Variants in ACP4 observed in about 807,000 individuals in gnomAD.
ACP4 encodes testicular acid phosphatase.
In ACP4, 49 loss-of-function variants were observed where a neutral mutation model predicts 47.3. That is an observed-to-expected ratio of 1.04 (90% CI 0.82 to 1.32). The LOEUF (loss-of-function observed/expected upper bound fraction) is 1.32. ACP4 is among the 40% of genes most tolerant of loss of function. ACP4 has a pLI of 0.00. For synonymous variants in ACP4, 299 were observed against 265.3 expected (o/e 1.13, Z -1.23); for missense variants, 594 against 579.3 (o/e 1.03, Z -0.26).
In ACP4 at chr19:50,790,710, G is replaced by A; in HGVS notation, c.216+12G>A. 1 of 1,277,018 alleles carries A rather than the reference G, an allele frequency of 7.8e-7. No individual in the cohort carries two copies. The highest frequency in any genetic ancestry group is 1.1e-6 in the Non-Finnish European group (1 of 932,544). The allele number at this position is 1,277,018 out of a possible 1,614,324, so 79.1% of individuals were successfully genotyped here. Reference sequence around the variant, plus strand: ...GCCAGCTGACCACGGTGAGAAGCGGGTAGGCGGTGAGGGCAAGGGTGGGAG... The same window carrying A: ...GCCAGCTGACCACGGTGAGAAGCGGATAGGCGGTGAGGGCAAGGGTGGGAG... On this transcript the variant is annotated intron_variant, in intron 2 of 10. Coordinates refer to ENST00000270593, the MANE Select transcript of ACP4 (RefSeq NM_033068.3).
rs927075560 is a variant in ACP4 at position 50,794,487 on chromosome 19, G to T, written c.892G>T (p.Ala298Ser). ...CAGCACCCTGCTGGCCCTCCAGGGG[G>T]CCCTGGGCCTCTATGATGGACACAC... ...HDSTLLALQG[A>S]LGLYDGHTPP... Residue 298 changes from alanine to serine, a missense_variant, in exon 9 of 11, where the codon GCC becomes TCC. Ala to Ser is a moderately conservative substitution (Grantham distance 99). Transcript: ENST00000270593. The T allele has an allele frequency of 1.2e-6, 2 of 1,613,752 alleles. No homozygotes were observed. Among genetic ancestry groups the T allele is most frequent in the Middle Eastern group, 1.7e-4 (1 of 6,056 alleles).
In ACP4 at chr19:50,794,924, G is replaced by A. The variant is rs1303818925; in HGVS notation, c.1125G>A (p.Gly375=). ...CCCCGGCCCGGCCTCCCGCCCATGG[G>A]GTCTCCTGCCATGGCCCCTATGAGG... ...LTAPARPPAH[G]VSCHGPYEAA... is the part of the protein sequence containing the mutation. The change falls in exon 10 of 11, where the codon GGG becomes GGA. Residue 375 remains glycine, a synonymous_variant. Coordinates refer to ENST00000270593, the MANE Select transcript of ACP4 (RefSeq NM_033068.3). The A allele has an allele frequency of 1.9e-6, 3 of 1,613,330 alleles. No homozygotes were observed. The highest frequency in any genetic ancestry group is 2.5e-6 in the Non-Finnish European group (3 of 1,179,880).
In ACP4 at chr19:50,790,827, G is replaced by A; in HGVS notation, c.270G>A (p.Glu90=). The change falls in exon 3 of 11, where the codon GAG becomes GAA. Residue 90 remains glutamate, a synonymous_variant. Coordinates refer to ENST00000270593, the MANE Select transcript of ACP4 (RefSeq NM_033068.3). The part of the protein sequence containing the change: ...ELGRFLRSRY[E]AFLSPEYRRE... ...GCCGCTTCCTGAGGAGCCGCTACGAGGCCTTCCTGAGTCCGGAGTACCGGC... is the reference window on the plus strand; with the variant it reads ...GCCGCTTCCTGAGGAGCCGCTACGAAGCCTTCCTGAGTCCGGAGTACCGGC... 1 of 1,548,954 alleles carries A rather than the reference G, an allele frequency of 6.5e-7. No homozygotes were observed. Among genetic ancestry groups the A allele is most frequent in the Non-Finnish European group, 8.7e-7 (1 of 1,146,800 alleles).
chr19:50,794,066 T>A, intron 8 of ACP4, 96 bp downstream of exon 8: 1 of 1,413,756 alleles, frequency 7.1e-7, no homozygotes, highest in Non-Finnish European at 9.9e-7. Context: ...CCAGTGGATC[T>A]CAGCCCACTG....
chr19:50,795,024 CCG>C lies in ACP4; in HGVS notation c.1166-16_1166-15del. ...GTTGCCAAGTCCTGGCACTCACCCC[CCG>C]CGTGTTCTCCCTGCAGCTCCAGTGG... On this transcript the variant is annotated splice_polypyrimidine_tract_variant and intron_variant, in intron 10 of 10. Coordinates refer to ENST00000270593, the MANE Select transcript of ACP4 (RefSeq NM_033068.3). The C allele has an allele frequency of 1.9e-6, 3 of 1,612,698 alleles. No homozygotes were observed. Among genetic ancestry groups the C allele is most frequent in the Non-Finnish European group, 2.5e-6 (3 of 1,179,674 alleles).
intron 8 of ACP4, 53 bp downstream of exon 8, chr19:50,794,023 G>T: frequency 1.2e-6 from 2 of 1,601,374 alleles, no homozygotes; most frequent in South Asian, 2.2e-5. Context: ...GGATGAGGGT[G>T]ACAGCGATTT....
chr19:50,794,535 G>A lies in ACP4; in HGVS notation c.940G>A (p.Gly314Ser), dbSNP rs377696451. The change falls in exon 9 of 11, where the codon GGC (glycine) becomes AGC (serine). Residue 314 changes from glycine to serine, a missense_variant. Transcript: ENST00000270593. ...GHTPPYAACL[G>S]FEFRKHLGNP... ...CACCCCGCCATATGCTGCCTGCCTC[G>A]GCTTTGAGTTCCGGAAGCACCTGGG... The A allele has an allele frequency of 6.4e-5, 103 of 1,613,902 alleles. No homozygotes were observed. The highest frequency in any genetic ancestry group is 8.2e-5 in the Non-Finnish European group (97 of 1,180,006).
Position 50,792,347 on chromosome 19 carries a change from G to A in ACP4, c.645+10G>A, listed in dbSNP as rs1335269830. ...CACCCTCATGTGCCAGGTGAGCCCTGCCCCTTCCCAGCCAAGGGTTTAAGG... is the reference window on the plus strand; with the variant it reads ...CACCCTCATGTGCCAGGTGAGCCCTACCCCTTCCCAGCCAAGGGTTTAAGG... On this transcript the variant is annotated intron_variant, in intron 6 of 10. Transcript: ENST00000270593. 1 of 1,612,348 alleles carries A rather than the reference G, an allele frequency of 6.2e-7. No homozygotes were observed. The highest frequency in any genetic ancestry group is 1.1e-5 in the South Asian group (1 of 91,038).
chr19:50,793,008 G>A (rs1245649314), intron 6 of ACP4: 2 of 153,650 alleles, frequency 1.3e-5, no homozygotes, highest in African/African-American at 4.8e-5. Flanking sequence ...CAGCTCACGG[G>A]AATGTTCTGA....
chr19:50,793,483 C>A, intron 6 of ACP4: 1 of 753,920 alleles, frequency 1.3e-6, no homozygotes, highest in East Asian at 2.8e-5. Context: ...CTACTGCACT[C>A]CAGCCTAGGT....
chr19:50,792,623 A>T (rs190778824), intron 6 of ACP4: 34 of 356,448 alleles, frequency 9.5e-5, no homozygotes, highest in African/African-American at 7.0e-4. Flanking sequence ...ACAGTCCTAT[A>T]ATCAGAAAAC....
Position 50,793,986 on chromosome 19 carries a change from G to A in ACP4, c.861+16G>A. On this transcript the variant is annotated intron_variant, in intron 8 of 10. Transcript: ENST00000270593. The stretch of plus-strand genomic sequence containing the variant: ...GTACTCAGCTGTGAGTCCTTGGGAA[G>A]CAGTGCCACATGGCACTGAGGCACA... 1 of 1,613,746 alleles carries A rather than the reference G, an allele frequency of 6.2e-7. No homozygotes were observed. Among genetic ancestry groups the A allele is most frequent in the East Asian group, 2.2e-5 (1 of 44,868 alleles).
In ACP4 at chr19:50,794,714, A is replaced by C. The variant is rs1004165030; in HGVS notation, c.987-72A>C. 5.7e-6 allele frequency: 9 copies of C among 1,573,694 alleles called. No individual in the cohort carries two copies. In the African/African-American group the frequency reaches 6.7e-5, roughly 12 times the overall value. ...GCTGGGAGGATGACAGGTGGGAGTC[A>C]GAAGCCCTTTTCTCCAGGCTTTAAG... is the stretch of plus-strand genomic sequence containing the variant. On this transcript the variant is annotated intron_variant, in intron 9 of 10. Coordinates refer to ENST00000270593, the MANE Select transcript of ACP4 (RefSeq NM_033068.3).
Position 50,791,629 on chromosome 19 carries a change from G to A in ACP4, c.304-27G>A, listed in dbSNP as rs181009244. On this transcript the variant is annotated intron_variant, in intron 3 of 10. Transcript: ENST00000270593. ...CCTCTGTCCCCAACCACGACCCCCC[G>A]CGTGCCCTCTCTCCACCCCGCTCCA... The A allele has an allele frequency of 2.3e-4, 359 of 1,595,146 alleles. No individual in the cohort carries two copies. The African/African-American group carries it at 3.3e-3, about 15-fold the overall frequency.
intron 6 of ACP4, 73 bp downstream of exon 6, chr19:50,792,410 G>A: frequency 1.3e-6 from 2 of 1,484,002 alleles, no homozygotes; most frequent in Middle Eastern, 1.7e-4. Flanking sequence ...CTCACTAGCT[G>A]TGTTCCCTCA....
chr19:50,794,536 G>C lies in ACP4; in HGVS notation c.941G>C (p.Gly314Ala). 1 of 1,614,068 alleles carries C rather than the reference G, an allele frequency of 6.2e-7. No individual in the cohort carries two copies. The highest frequency in any genetic ancestry group is 8.5e-7 in the Non-Finnish European group (1 of 1,180,012). Reference sequence around the variant, plus strand: ...ACCCCGCCATATGCTGCCTGCCTCGGCTTTGAGTTCCGGAAGCACCTGGGG... The same window carrying C: ...ACCCCGCCATATGCTGCCTGCCTCGCCTTTGAGTTCCGGAAGCACCTGGGG... ...GHTPPYAACLGFEFRKHLGNP... is the reference protein window; with the variant it reads ...GHTPPYAACLAFEFRKHLGNP... Residue 314 changes from glycine to alanine, a missense_variant, in exon 9 of 11, where the codon GGC becomes GCC. Coordinates refer to ENST00000270593, the MANE Select transcript of ACP4 (RefSeq NM_033068.3).
chr19:50,791,666 G>A lies in ACP4; in HGVS notation c.314G>A (p.Arg105His), dbSNP rs756397218. ...TCCACCCCGCTCCAGGTGTACATCC[G>A]CAGCACGGACTTTGACCGCACGCTG... ...PEYRREEVYI[R>H]STDFDRTLES... The change falls in exon 4 of 11, where the codon CGC becomes CAC. Residue 105 changes from arginine to histidine, a missense_variant. Transcript: ENST00000270593. 27 of 1,611,826 alleles carry A rather than the reference G, an allele frequency of 1.7e-5. No individual in the cohort carries two copies. The highest frequency in any genetic ancestry group is 2.2e-5 in the East Asian group (1 of 44,850).
Position 50,794,102 on chromosome 19 carries a change from C to G in ACP4, c.861+132C>G, listed in dbSNP as rs928389656. The G allele has an allele frequency of 3.8e-5, 40 of 1,062,498 alleles. No homozygotes were observed. In the Admixed American group the frequency reaches 7.8e-4, roughly 21 times the overall value. The allele number at this position is 1,062,498 out of a possible 1,614,324, so 65.8% of individuals were successfully genotyped here. A position where few individuals can be genotyped will look rare whatever the true frequency, so the allele number is the denominator to read the frequency against. On this transcript the variant is annotated intron_variant, in intron 8 of 10. Transcript: ENST00000270593. ...CCTGGGGTAACCCGTATCTCCAAAC[C>G]CTACTCTCAGGCTCTACCATTAGTC...
rs752868783 is a variant in ACP4 at position 50,794,971 on chromosome 19, G to A, written c.1165+7G>A. Reference sequence around the variant, plus strand: ...GAGGCTGCCATCCCCCCAGGTGACAGTCCTCTGTGTTGGGGTGGGAGTGGA... The same window carrying A: ...GAGGCTGCCATCCCCCCAGGTGACAATCCTCTGTGTTGGGGTGGGAGTGGA... On this transcript the variant is annotated splice_region_variant and intron_variant, in intron 10 of 10. Transcript: ENST00000270593. The A allele has an allele frequency of 4.3e-6, 7 of 1,613,216 alleles. No homozygotes were observed. Among genetic ancestry groups the A allele is most frequent in the Non-Finnish European group, 5.9e-6 (7 of 1,179,812 alleles).
Sources: allele counts gnomAD v4.1 joint callset, GRCh38; gene constraint gnomAD v4.1.1; transcripts MANE v1.5; gene names NCBI Gene and HGNC (gene_info 2026-07-23, HGNC 2026-07-21).